The following RTL9 variants were observed in gnomAD, a reference collection of about 807,000 sequenced individuals.
The protein encoded by RTL9 is retrotransposon Gag like 9.
Under a neutral mutation model 44.7 loss-of-function variants are expected in RTL9, and 19 were observed. The observed-to-expected ratio is 0.42, with a 90% CI of 0.30 to 0.62. The LOEUF is 0.62. Ranked by LOEUF, RTL9 falls within the 20% of genes least tolerant of loss-of-function variation. RTL9 has a pLI of 0.16. For missense variants in RTL9, 1,105 were observed against 1,080.6 expected, an observed-to-expected ratio of 1.02 and a Z score of -0.32; for synonymous variants, 407 against 398.9, an observed-to-expected ratio of 1.02 and a Z score of -0.24.
intron 1 of RTL9, among the ~76,000 whole-genome samples, chrX:110,441,087 C>G (rs147734659): frequency 0.018 from 2,060 of 111,845 alleles, 41 homozygotes; most frequent in African/African-American, 0.063. Context: ...GAAGAAAAAG[C>G]CCAGAATTTG....
chrX:110,364,477 C>T (rs2068284212), intron 1 of RTL9, among the ~76,000 whole-genome samples: 1 of 111,665 alleles, frequency 9.0e-6, no homozygotes, highest in African/African-American at 3.3e-5. Flanking sequence ...GCTGCTCCCA[C>T]CAAACAAACA....
chrX:110,427,703 G>A (rs938652854), intron 1 of RTL9, among the ~76,000 whole-genome samples: 2 of 112,329 alleles, frequency 1.8e-5, no homozygotes, highest in Middle Eastern at 4.6e-3. Flanking sequence ...TCTATAGGAT[G>A]AAGTCCAAAC....
At chrX:110,392,167 GTATCAAGTAATTATTCAAC>G (rs2068498329) in intron 1 of RTL9, among the ~76,000 whole-genome samples, 1 of 110,859 alleles carries the variant, frequency 9.0e-6, no homozygotes, top group Non-Finnish European at 1.9e-5. Context: ...ATCACATTAA[GTATCAAGTAATTATTCAAC>G]TATCAGCTTC....
intron 1 of RTL9, among the ~76,000 whole-genome samples, chrX:110,431,068 C>A (rs1459000304): frequency 8.9e-6 from 1 of 112,039 alleles, no homozygotes; most frequent in Non-Finnish European, 1.9e-5. Flanking sequence ...TAATCCATTC[C>A]TTTGGCTGCT....
At chrX:110,366,370 T>C (rs2068297314) in intron 1 of RTL9, among the ~76,000 whole-genome samples, 1 of 111,694 alleles carries the variant, frequency 9.0e-6, no homozygotes, top group South Asian at 3.8e-4. Context: ...CAAAAACTAA[T>C]GGGGTATACC....
chrX:110,398,100 C>T (rs1357796208), intron 1 of RTL9, among the ~76,000 whole-genome samples: 1 of 111,879 alleles, frequency 8.9e-6, no homozygotes, highest in Non-Finnish European at 1.9e-5. Context: ...AAAGGCAGGC[C>T]GGCCATTTTG....
upstream of RTL9, among the ~76,000 whole-genome samples, chrX:110,450,297 G>A (rs1292690071): frequency 9.0e-6 from 1 of 111,494 alleles, no homozygotes. Flanking sequence ...AGTCAGGACT[G>A]CCCAGGCTCC....
chrX:110,432,436 G>A (rs968403734), intron 1 of RTL9, among the ~76,000 whole-genome samples: 1 of 112,140 alleles, frequency 8.9e-6, no homozygotes, highest in Admixed American at 9.4e-5. Flanking sequence ...GGGGAGGGTT[G>A]ATAGCTTCGA....
At chrX:110,447,111 C>CTTTTTTGTTTTTTT (rs2068912443), upstream of RTL9, among the ~76,000 whole-genome samples, 1 of 36,827 alleles carries the variant, frequency 2.7e-5, no homozygotes, top group African/African-American at 1.6e-4. Context: ...TATTCTGTGA[C>CTTTTTTGTTTTTTT]TTTTTTTTTT....
At position 110,375,537 on chromosome X, in the gene RTL9, GATGAATGA is replaced by G. The variant is rs72153865; in HGVS notation, c.-168+16640_-168+16647del. 4.6e-5 allele frequency among the ~76,000 whole-genome samples: 5 copies of G among 109,423 alleles called. No homozygotes were observed. The East Asian group carries it at 1.1e-3, about 25-fold the overall frequency. The stretch of plus-strand genomic sequence containing the variant: ...GGGCTCAGTAAATATTGGATGAATA[GATGAATGA>G]ATGAATGAATGAATGAATCAATCAA... On this transcript the variant is annotated intron_variant, in intron 1 of 2. Coordinates refer to the RTL9 transcript ENST00000520821.
At chrX:110,360,852 C>G (rs2068258417) in intron 1 of RTL9, among the ~76,000 whole-genome samples, 2 of 111,237 alleles carry the variant, frequency 1.8e-5, no homozygotes, top group Non-Finnish European at 3.8e-5. Flanking sequence ...AGACATTATA[C>G]AGGAAGAATT....
intron 1 of RTL9, among the ~76,000 whole-genome samples, chrX:110,433,518 T>C (rs912886519): frequency 1.3e-4 from 15 of 111,631 alleles, no homozygotes; most frequent in African/African-American, 4.9e-4. Context: ...CTGGAGCTCC[T>C]AATAAACACC....
intron 1 of RTL9, among the ~76,000 whole-genome samples, chrX:110,361,269 A>C (rs2068261811): frequency 9.0e-6 from 1 of 111,190 alleles, no homozygotes; most frequent in Non-Finnish European, 1.9e-5. Flanking sequence ...TGATCAGCAA[A>C]TCTTATTGGT....
At chrX:110,385,501 G>A (rs186786560) in intron 1 of RTL9, among the ~76,000 whole-genome samples, 4 of 111,253 alleles carry the variant, frequency 3.6e-5, no homozygotes, top group East Asian at 2.8e-4. Context: ...ACTGGTAGCC[G>A]TTTCCATCCC....
chrX:110,451,881 G>A, exon 1 of RTL9: 1 of 1,211,858 alleles, frequency 8.3e-7, no homozygotes, highest in Non-Finnish European at 1.1e-6. Context: ...CCCAGCCTCT[G>A]GAAATATGTC....
chrX:110,392,563 G>A (rs1242816816), intron 1 of RTL9, among the ~76,000 whole-genome samples: 4 of 112,084 alleles, frequency 3.6e-5, no homozygotes, highest in Non-Finnish European at 7.5e-5. Flanking sequence ...GATTATAGGC[G>A]TGAGCCACTG....
At chrX:110,372,366 C>T (rs1014300438) in intron 1 of RTL9, among the ~76,000 whole-genome samples, 4 of 112,142 alleles carry the variant, frequency 3.6e-5, no homozygotes, top group African/African-American at 9.7e-5. Context: ...AAAGTGGCAC[C>T]GTTCTTCACA....
rs906570442 is a variant in RTL9 at position 110,453,881 on chromosome X, C to G, written c.3264C>G (p.Ala1088=). Reference sequence around the variant, plus strand: ...GAACAATGTCCACACCACAGACAGCCTTTGGAGTGATGTCCACTCCGGAAA... The same window carrying G: ...GAACAATGTCCACACCACAGACAGCGTTTGGAGTGATGTCCACTCCGGAAA... The change falls in exon 1 of 2, where the codon GCC becomes GCG. Residue 1088 remains alanine (A), a synonymous_variant. Transcript: ENST00000540313. 5.8e-6 allele frequency: 7 copies of G among 1,210,443 alleles called. No homozygotes were observed. The Admixed American group carries it at 8.7e-5, about 15-fold the overall frequency.
chrX:110,417,635 G>C (rs930193135), upstream of RTL9, among the ~76,000 whole-genome samples: 4 of 111,956 alleles, frequency 3.6e-5, no homozygotes, highest in Admixed American at 3.8e-4. Flanking sequence ...GAGTGGAAGA[G>C]ACTGGCCCAA....
Sources: gnomAD v4.1 joint callset for allele counts (sites outside exome capture counted in the v4.1 genomes callset) on GRCh38, gnomAD v4.1.1 for gene constraint, MANE v1.5 for transcripts, NCBI Gene and HGNC (gene_info 2026-07-23, HGNC 2026-07-21) for gene names.